Variants in FBXO25 observed in about 807,000 individuals in gnomAD.
FBXO25 encodes the protein F-box protein 25.
In FBXO25, 45 loss-of-function variants were observed where a neutral mutation model predicts 51.9. The ratio of observed to expected loss-of-function variants is 0.87; its 90% CI spans 0.68 to 1.11. The LOEUF is 1.11. FBXO25 is among the 50% of genes most tolerant of loss of function. The probability of loss-of-function intolerance (pLI) is 0.00; values close to 1 mark genes in which losing one functional copy is unlikely to be tolerated. For missense variants in FBXO25, 507 were observed against 428.5 expected (o/e 1.18, Z -1.62); for synonymous variants, 199 against 151.0 (o/e 1.32, Z -2.33).
chr8:446,624 G>A (rs1798755003), intron 5 of FBXO25, among the ~76,000 whole-genome samples: 2 of 152,156 alleles, frequency 1.3e-5, no homozygotes, highest in South Asian at 2.1e-4. Flanking sequence ...ACTAAAACAA[G>A]GAATTTAATA....
At chr8:458,584 G>A in intron 8 of FBXO25, 33 bp downstream of exon 8, 1 of 1,607,032 alleles carries the variant, frequency 6.2e-7, no homozygotes, top group Non-Finnish European at 8.5e-7. Context: ...CCCTCAGGCT[G>A]GGAGTTTATA....
intron 2 of FBXO25, among the ~76,000 whole-genome samples, chr8:428,252 T>A (rs190879348): frequency 1.8e-3 from 273 of 152,242 alleles, no homozygotes; most frequent in African/African-American, 6.3e-3. Flanking sequence ...GCACATTTGC[T>A]AGCAAGGGGG....
In FBXO25 at chr8:475,214, T is replaced by G; in HGVS notation, c.*6410T>G. Reference sequence around the variant, plus strand: ...GTTGAAAAGACTGTCCTTTCTCCCTTGAATGGTCTTGGCACCATCAAAAAT... The same window carrying G: ...GTTGAAAAGACTGTCCTTTCTCCCTGGAATGGTCTTGGCACCATCAAAAAT... On this transcript the variant is annotated 3_prime_UTR_variant, in exon 10 of 10. Transcript: ENST00000350302. The G allele has an allele frequency of 3.1e-6, 1 of 322,354 alleles. No individual in the cohort carries two copies. The highest frequency in any genetic ancestry group is 5.9e-6 in the Non-Finnish European group (1 of 168,928). The allele number at this position is 322,354 out of a possible 1,614,324, so 20.0% of individuals were successfully genotyped here. A position where few individuals can be genotyped will look rare whatever the true frequency, so the allele number is the denominator to read the frequency against.
chr8:458,687 T>G, intron 8 of FBXO25, 136 bp downstream of exon 8: 1 of 785,166 alleles, frequency 1.3e-6, no homozygotes, highest in East Asian at 2.7e-5. Context: ...ACAATCAGAG[T>G]TTATTGAGAT....
At position 435,686 on chromosome 8, in the gene FBXO25, A is replaced by G; in HGVS notation, c.360A>G (p.Arg120=). The G allele has an allele frequency of 6.3e-7, 1 of 1,597,564 alleles. No homozygotes were observed. Among genetic ancestry groups the G allele is most frequent in the Non-Finnish European group, 8.5e-7 (1 of 1,174,790 alleles). The change falls in exon 5 of 10, where the codon CGA becomes CGG. Residue 120 remains arginine (R), a synonymous_variant. Transcript: ENST00000350302. ...LDFSSAIQDI[R]RFNYVVKLLQ... ...TCTCAAGTGCAATTCAAGATATCCGAAGGTTCAATTATGTGGTCAAAGTAA... is the reference window on the plus strand; with the variant it reads ...TCTCAAGTGCAATTCAAGATATCCGGAGGTTCAATTATGTGGTCAAAGTAA...
chr8:459,497 C>A (rs1431385217), intron 8 of FBXO25, among the ~76,000 whole-genome samples: 1 of 152,206 alleles, frequency 6.6e-6, no homozygotes, highest in East Asian at 1.9e-4. Flanking sequence ...CATGGAATTG[C>A]AGCTTTCAGA....
At chr8:418,785 A>T (rs1304307916) in intron 2 of FBXO25, among the ~76,000 whole-genome samples, 1 of 152,228 alleles carries the variant, frequency 6.6e-6, no homozygotes, top group African/African-American at 2.4e-5. Context: ...AAGTTTTTTT[A>T]ACCAAGGTAG....
intron 2 of FBXO25, among the ~76,000 whole-genome samples, chr8:423,166 G>A (rs189915030): frequency 2.3e-4 from 34 of 151,098 alleles, no homozygotes; most frequent in Non-Finnish European, 3.7e-4. Flanking sequence ...TTTTCTCTCT[G>A]TCTTCCTGGA....
At chr8:411,699 G>T (rs139792883) in intron 1 of FBXO25, among the ~76,000 whole-genome samples, 8,931 of 152,224 alleles carry the variant, frequency 0.059, 281 homozygotes, top group Middle Eastern at 0.082. Flanking sequence ...AATCATTTCA[G>T]ACAGCCCTTA....
At chr8:443,179 G>A (rs930854150) in intron 5 of FBXO25, among the ~76,000 whole-genome samples, 1 of 151,286 alleles carries the variant, frequency 6.6e-6, no homozygotes. Context: ...TGGATAGGTG[G>A]TGTCAGGGCA....
chr8:433,673 ACT>A (rs561259111), intron 4 of FBXO25, among the ~76,000 whole-genome samples: 62 of 151,808 alleles, frequency 4.1e-4, no homozygotes, highest in Non-Finnish European at 7.4e-4. Flanking sequence ...AGGCCTAGAA[ACT>A]CTGCATTTGC....
intron 2 of FBXO25, among the ~76,000 whole-genome samples, chr8:420,132 G>C (rs533197447): frequency 1.3e-5 from 2 of 152,266 alleles, no homozygotes; most frequent in Non-Finnish European, 2.9e-5. Context: ...TTTGGGGCAA[G>C]CAGCTGACCA....
At chr8:424,749 G>C (rs538041025) in intron 2 of FBXO25, among the ~76,000 whole-genome samples, 17 of 152,280 alleles carry the variant, frequency 1.1e-4, no homozygotes, top group African/African-American at 4.1e-4. Flanking sequence ...TACAGAAGCT[G>C]TTTTGGTTAC....
In FBXO25 at chr8:474,928, C is replaced by G. The variant is rs199938331; in HGVS notation, c.*6124C>G. ...GATATATCATTTTAAAATACTTTGT[C>G]CCATTCCGTGGATTGCCTTTCACTC... On this transcript the variant is annotated 3_prime_UTR_variant, in exon 10 of 10. Coordinates refer to ENST00000350302, the MANE Select transcript of FBXO25 (RefSeq NM_183420.2). 2.1e-4 allele frequency: 95 copies of G among 454,846 alleles called. 1 individual carries two copies. The highest frequency in any genetic ancestry group is 1.4e-3 in the African/African-American group (70 of 49,726). 28.2% of individuals were successfully genotyped at this position (454,846 alleles called of 1,614,324 possible).
intron 4 of FBXO25, among the ~76,000 whole-genome samples, chr8:433,880 A>G (rs1167969575): frequency 6.6e-6 from 1 of 152,256 alleles, no homozygotes; most frequent in African/African-American, 2.4e-5. Context: ...AGAATGAATC[A>G]GATCCTTAAT....
intron 2 of FBXO25, among the ~76,000 whole-genome samples, chr8:427,207 C>T (rs12184338): frequency 0.078 from 10,344 of 132,380 alleles, 193 homozygotes; most frequent in East Asian, 0.1. Context: ...AGCTCCCTTC[C>T]GGGGAGGAGC....
chr8:474,737 G>T lies in FBXO25; in HGVS notation c.*5933G>T, dbSNP rs1045662810. ...CAGGTGTGTGTTTTTATATGTTCTG[G>T]GTATTCACCCTTTTCAGATATATCA... is the stretch of plus-strand genomic sequence containing the variant. On this transcript the variant is annotated 3_prime_UTR_variant, in exon 10 of 10. Coordinates refer to ENST00000350302, the MANE Select transcript of FBXO25 (RefSeq NM_183420.2). 4.4e-6 allele frequency: 2 copies of T among 456,450 alleles called. No homozygotes were observed. Among genetic ancestry groups the T allele is most frequent in the African/African-American group, 4.0e-5 (2 of 50,056 alleles). The allele number at this position is 456,450 out of a possible 1,614,324, so 28.3% of individuals were successfully genotyped here. A position where few individuals can be genotyped will look rare whatever the true frequency, so the allele number is the denominator to read the frequency against.
At chr8:411,520 TTCTC>T (rs1483061850) in intron 1 of FBXO25, among the ~76,000 whole-genome samples, 1 of 152,230 alleles carries the variant, frequency 6.6e-6, no homozygotes, top group Non-Finnish European at 1.5e-5. Context: ...ATTTTCCTCT[TTCTC>T]TCTAGTCTAA....
intron 2 of FBXO25, among the ~76,000 whole-genome samples, chr8:419,762 C>T (rs1015403087): frequency 1.3e-5 from 2 of 151,992 alleles, no homozygotes; most frequent in East Asian, 1.9e-4. Flanking sequence ...TTTTTAGATA[C>T]GATACCAAAA....
Sources: gnomAD v4.1 joint callset for allele counts (sites outside exome capture counted in the v4.1 genomes callset) on GRCh38, gnomAD v4.1.1 for gene constraint, MANE v1.5 for transcripts, NCBI Gene and HGNC (gene_info 2026-07-23, HGNC 2026-07-21) for gene names.